The following DNAJB6 variants were observed in gnomAD, a reference collection of about 807,000 sequenced individuals.
DNAJB6 encodes DnaJ heat shock protein family (Hsp40) member B6.
A neutral mutation model predicts 42.7 loss-of-function variants in DNAJB6; 16 were observed. The ratio of observed to expected loss-of-function variants is 0.37; its 90% CI spans 0.25 to 0.57. The LOEUF is 0.57. Ranked by LOEUF, DNAJB6 falls within the 20% of genes least tolerant of loss-of-function variation. DNAJB6 has a pLI of 0.74. For synonymous variants in DNAJB6, 170 were observed against 163.5 expected, an observed-to-expected ratio of 1.04 and a Z score of -0.30; for missense variants, 347 against 416.8, an observed-to-expected ratio of 0.83 and a Z score of 1.46.
chr7:157,367,586 C>A lies in DNAJB6; in HGVS notation c.346+103C>A, dbSNP rs146237501. ...AATTAACATTGTATTTTAGGCTGGG[C>A]GCGGTGGCTCATGCCTGTAATCCCA... On this transcript the variant is annotated intron_variant, in intron 5 of 9. Coordinates refer to ENST00000262177, the MANE Select transcript of DNAJB6 (RefSeq NM_058246.4). 25 of 780,424 alleles carry A rather than the reference C, an allele frequency of 3.2e-5. No homozygotes were observed. In the African/African-American group the frequency reaches 3.9e-4, roughly 12 times the overall value. 48.3% of individuals were successfully genotyped at this position (780,424 alleles called of 1,614,324 possible). A position where few individuals can be genotyped will look rare whatever the true frequency, so the allele number is the denominator to read the frequency against.
chr7:157,355,864 TGA>T (rs1799247226), intron 1 of DNAJB6, among the ~76,000 whole-genome samples: 1 of 152,270 alleles, frequency 6.6e-6, no homozygotes, highest in Non-Finnish European at 1.5e-5. Flanking sequence ...AGGCTTTCAG[TGA>T]GAGTGTTTTT....
chr7:157,382,519 G>T (rs1210354827), intron 6 of DNAJB6, 142 bp downstream of exon 6: 5 of 849,912 alleles, frequency 5.9e-6, no homozygotes, highest in South Asian at 2.1e-5. Context: ...GCTTTTTTTG[G>T]TATACAGGTC....
rs1161256124 is a variant in DNAJB6 at position 157,345,768 on chromosome 7, CTT to C, written c.-27+8627_-27+8628del. Among the ~76,000 whole-genome samples the C allele has an allele frequency of 3.9e-5, 6 of 152,234 alleles. No individual in the cohort carries two copies. The East Asian group carries it at 1.2e-3, about 29-fold the overall frequency. ...AATAGCTGCATTTGGCTTATGGAGT[CTT>C]TTGAGCAGCATGGTTTTAAAAAGGT... On this transcript the variant is annotated intron_variant, in intron 1 of 9. Coordinates refer to ENST00000262177, the MANE Select transcript of DNAJB6 (RefSeq NM_058246.4).
chr7:157,371,538 C>A (rs1177512403), intron 5 of DNAJB6, among the ~76,000 whole-genome samples: 1 of 152,242 alleles, frequency 6.6e-6, no homozygotes, highest in African/African-American at 2.4e-5. Flanking sequence ...GAAGCCCTCC[C>A]AGGAGAGGTC....
intron 8 of DNAJB6, among the ~76,000 whole-genome samples, chr7:157,401,901 T>G (rs1477606302): frequency 6.6e-6 from 1 of 152,172 alleles, no homozygotes; most frequent in African/African-American, 2.4e-5. Context: ...TTCTCTCTGT[T>G]GCAGAGGCCG....
intron 8 of DNAJB6, among the ~76,000 whole-genome samples, chr7:157,401,897 C>G (rs897038972): frequency 6.6e-6 from 1 of 152,222 alleles, no homozygotes; most frequent in African/African-American, 2.4e-5. Context: ...TGCCTTCTCT[C>G]TGTTGCAGAG....
chr7:157,369,322 G>A (rs1042541642), intron 5 of DNAJB6: 4 of 456,596 alleles, frequency 8.8e-6, no homozygotes, highest in Non-Finnish European at 1.8e-5. Context: ...TTTGCATCTT[G>A]CTGTAGCCTT....
chr7:157,366,442 T>C, intron 3 of DNAJB6, 60 bp from the exon 4 acceptor site: 1 of 1,421,042 alleles, frequency 7.0e-7, no homozygotes, highest in Non-Finnish European at 9.9e-7. Context: ...AAATACCTTA[T>C]CTATTGAATT....
At chr7:157,385,975 T>C in intron 8 of DNAJB6, 1 of 912,664 alleles carries the variant, frequency 1.1e-6, no homozygotes, top group Non-Finnish European at 1.3e-6. Flanking sequence ...GACCTGCTTT[T>C]CATTGTGTCT....
chr7:157,356,187 G>A (rs1464302995), intron 1 of DNAJB6, among the ~76,000 whole-genome samples: 1 of 152,240 alleles, frequency 6.6e-6, no homozygotes, highest in Non-Finnish European at 1.5e-5. Context: ...GAGTGGATTA[G>A]CAGCTTCCCT....
chr7:157,375,234 G>A (rs1416812910), intron 5 of DNAJB6, among the ~76,000 whole-genome samples: 1 of 152,200 alleles, frequency 6.6e-6, no homozygotes, highest in East Asian at 1.9e-4. Flanking sequence ...TCGGCCATCT[G>A]CGAGTAGGGC....
At chr7:157,378,410 G>GC (rs1800579707) in intron 5 of DNAJB6, 1 of 152,174 alleles carries the variant, frequency 6.6e-6, no homozygotes, top group African/African-American at 2.4e-5. Flanking sequence ...AGGAGGTCTT[G>GC]CCCCTCCACC....
chr7:157,357,982 C>G (rs1347955113), intron 1 of DNAJB6, among the ~76,000 whole-genome samples: 1 of 152,194 alleles, frequency 6.6e-6, no homozygotes, highest in Non-Finnish European at 1.5e-5. Context: ...TTAACGCTAA[C>G]TGCTGTGTAG....
chr7:157,348,268 A>G (rs1798790198), intron 1 of DNAJB6, among the ~76,000 whole-genome samples: 1 of 150,564 alleles, frequency 6.6e-6, no homozygotes, highest in African/African-American at 2.5e-5. Context: ...AATTTTTTGT[A>G]TTTTTAGTAG....
chr7:157,351,654 AC>A (rs1563113427), intron 1 of DNAJB6, among the ~76,000 whole-genome samples: 27 of 113,010 alleles, frequency 2.4e-4, no homozygotes, highest in East Asian at 8.8e-4. Flanking sequence ...AACAACAACA[AC>A]AACAACAAAA....
chr7:157,392,927 C>G (rs776296554), intron 8 of DNAJB6, among the ~76,000 whole-genome samples: 1 of 152,144 alleles, frequency 6.6e-6, no homozygotes, highest in African/African-American at 2.4e-5. Flanking sequence ...GTACGCCTTA[C>G]ATTGCTTTTT....
intron 1 of DNAJB6, among the ~76,000 whole-genome samples, chr7:157,346,036 C>G (rs1798666200): frequency 9.6e-6 from 1 of 103,790 alleles, no homozygotes; most frequent in Non-Finnish European, 2.2e-5. Flanking sequence ...TCCTGAGGGC[C>G]CACATTTTTC....
At position 157,375,070 on chromosome 7, in the gene DNAJB6, C is replaced by T. The variant is rs563957859; in HGVS notation, c.347-7176C>T. ...GGGAGATGTTCTGGGACTGTAGGTG[C>T]AAGATGTAGGAAGAGTGATTTAAAC... is the stretch of plus-strand genomic sequence containing the variant. On this transcript the variant is annotated intron_variant, in intron 5 of 9. Coordinates refer to ENST00000262177, the MANE Select transcript of DNAJB6 (RefSeq NM_058246.4). 9.2e-5 allele frequency among the ~76,000 whole-genome samples: 14 copies of T among 152,282 alleles called. 1 individual carries two copies. Among genetic ancestry groups the T allele is most frequent in the Admixed American group, 7.2e-4 (11 of 15,292 alleles).
intron 5 of DNAJB6, among the ~76,000 whole-genome samples, chr7:157,377,057 C>G (rs569853623): frequency 2.0e-5 from 3 of 152,118 alleles, no homozygotes; most frequent in Admixed American, 1.3e-4. Context: ...GATAAAAGAT[C>G]GTGGAGATGA....
Sources: gnomAD v4.1 joint callset for allele counts (sites outside exome capture counted in the v4.1 genomes callset) on GRCh38, gnomAD v4.1.1 for gene constraint, MANE v1.5 for transcripts, NCBI Gene and HGNC (gene_info 2026-07-23, HGNC 2026-07-21) for gene names.